ANO3: variants seen among roughly 807,000 people sequenced by gnomAD.
ANO3 encodes anoctamin-3.
In ANO3, 99 loss-of-function variants were observed where a neutral mutation model predicts 144.8. The ratio of observed to expected loss-of-function variants is 0.68; its 90% CI spans 0.58 to 0.81. The LOEUF (loss-of-function observed/expected upper bound fraction) is 0.81. ANO3 is among the 30% of genes least tolerant of loss of function. The pLI is 0.00. For missense variants in ANO3, 905 were observed against 1,202.2 expected (o/e 0.75, Z 3.66); for synonymous variants, 414 against 392.6 (o/e 1.05, Z -0.64).
chr11:26,479,279 C>A (rs1360073693), intron 4 of ANO3, among the ~76,000 whole-genome samples: 1 of 152,066 alleles, frequency 6.6e-6, no homozygotes. Flanking sequence ...CTGAAAGAGT[C>A]CTGATTAATA....
intron 7 of ANO3, among the ~76,000 whole-genome samples, chr11:26,529,034 A>G (rs1488724777): frequency 7.2e-6 from 1 of 138,532 alleles, no homozygotes; most frequent in Non-Finnish European, 1.5e-5. Context: ...ACTTTCACAT[A>G]CCAAGTCTTG....
rs113143578 is a variant in ANO3, at chr11:26,611,705, G to T, written c.1836+11991G>T. 2.5e-4 allele frequency among the ~76,000 whole-genome samples: 38 copies of T among 152,226 alleles called. 1 individual carries two copies. The highest frequency in any genetic ancestry group is 9.1e-4 in the African/African-American group (38 of 41,554). On this transcript the variant is annotated intron_variant, in intron 17 of 26. Transcript: ENST00000256737. ...ATCTATCCACTGTTGAGGGTGGGGT[G>T]TTGAAGTTTCCCACAATTGTATTGT...
intron 1 of ANO3, among the ~76,000 whole-genome samples, chr11:26,419,034 G>T (rs531699162): frequency 3.9e-5 from 6 of 152,248 alleles, no homozygotes; most frequent in African/African-American, 1.2e-4. Context: ...TTGGCTCATT[G>T]TTCTGCAGGC....
At chr11:26,214,779 T>A (rs1351651766) in intron 1 of ANO3, among the ~76,000 whole-genome samples, 1 of 151,908 alleles carries the variant, frequency 6.6e-6, no homozygotes, top group African/African-American at 2.4e-5. Flanking sequence ...CATACTTTAT[T>A]CAGATTTCTT....
intron 1 of ANO3, among the ~76,000 whole-genome samples, chr11:26,301,942 A>G (rs1255360827): frequency 6.6e-6 from 1 of 152,216 alleles, no homozygotes; most frequent in Non-Finnish European, 1.5e-5. Context: ...TTAGAAGAGC[A>G]TTTATGGTAA....
intron 13 of ANO3, among the ~76,000 whole-genome samples, chr11:26,555,231 A>T (rs1208328364): frequency 6.6e-6 from 1 of 152,152 alleles, no homozygotes; most frequent in African/African-American, 2.4e-5. Context: ...TTTTCTCATC[A>T]CTTTTGGCAA....
chr11:26,227,874 A>G (rs1224484834), intron 1 of ANO3, among the ~76,000 whole-genome samples: 1 of 152,180 alleles, frequency 6.6e-6, no homozygotes, highest in Non-Finnish European at 1.5e-5. Flanking sequence ...ATTTTTTTAA[A>G]CCTAATTATA....
At chr11:26,593,741 G>T (rs138543921) in intron 14 of ANO3, among the ~76,000 whole-genome samples, 3 of 152,136 alleles carry the variant, frequency 2.0e-5, no homozygotes, top group Admixed American at 6.5e-5. Flanking sequence ...TAAAGTGTCC[G>T]TGTAGGCCGC....
intron 1 of ANO3, among the ~76,000 whole-genome samples, chr11:26,257,453 C>T (rs1263745524): frequency 6.6e-6 from 1 of 152,102 alleles, no homozygotes; most frequent in Non-Finnish European, 1.5e-5. Flanking sequence ...TGGCCCTGCA[C>T]ACTCAATGGT....
chr11:26,331,056 G>A (rs984923287), upstream of ANO3, among the ~76,000 whole-genome samples: 1 of 152,208 alleles, frequency 6.6e-6, no homozygotes, highest in South Asian at 2.1e-4. Context: ...TGAAAAATGT[G>A]TTCAGCTAGC....
At chr11:26,601,707 A>C (rs10835010) in intron 17 of ANO3, among the ~76,000 whole-genome samples, 1 of 151,992 alleles carries the variant, frequency 6.6e-6, no homozygotes, top group African/African-American at 2.4e-5. Flanking sequence ...GTAAAACATC[A>C]TGTTTGTAAC....
At chr11:26,502,207 G>A (rs1565065020) in intron 4 of ANO3, among the ~76,000 whole-genome samples, 2 of 152,126 alleles carry the variant, frequency 1.3e-5, no homozygotes, top group African/African-American at 2.4e-5. Flanking sequence ...CAATGTAAAT[G>A]AATACATTAT....
At chr11:26,560,968 C>T (rs758582685) in intron 14 of ANO3, 23 of 1,210,468 alleles carry the variant, frequency 1.9e-5, no homozygotes, top group African/African-American at 9.5e-5. Context: ...ACAAAATCCA[C>T]GTGACAGTAA....
intron 6 of ANO3, among the ~76,000 whole-genome samples, chr11:26,517,835 T>G (rs931363883): frequency 2.0e-5 from 3 of 152,042 alleles, no homozygotes; most frequent in Non-Finnish European, 2.9e-5. Flanking sequence ...AAATGTGAGG[T>G]ATTGAGCCTC....
intron 1 of ANO3, among the ~76,000 whole-genome samples, chr11:26,390,950 G>A (rs1456696469): frequency 6.6e-6 from 1 of 151,884 alleles, no homozygotes; most frequent in African/African-American, 2.4e-5. Context: ...TACATTTTAG[G>A]GTAATGATAA....
intron 4 of ANO3, among the ~76,000 whole-genome samples, chr11:26,486,894 G>A (rs1389460): frequency 0.93 from 140,881 of 152,194 alleles, 65,512 homozygotes; most frequent in South Asian, 0.97. Flanking sequence ...TTTAGAGGAA[G>A]AAAGGTAGCA....
At chr11:26,336,188 A>G (rs1434562476) in intron 1 of ANO3, among the ~76,000 whole-genome samples, 1 of 152,140 alleles carries the variant, frequency 6.6e-6, no homozygotes, top group African/African-American at 2.4e-5. Context: ...TTGATTTATG[A>G]TGAGCTCATG....
At chr11:26,194,180 G>A (rs944369830) in intron 1 of ANO3, among the ~76,000 whole-genome samples, 3 of 152,154 alleles carry the variant, frequency 2.0e-5, no homozygotes, top group Non-Finnish European at 4.4e-5. Context: ...GATTAACCAT[G>A]TGCTGGGGCT....
At chr11:26,480,003 G>A (rs1860146183) in intron 4 of ANO3, among the ~76,000 whole-genome samples, 1 of 152,148 alleles carries the variant, frequency 6.6e-6, no homozygotes, top group Non-Finnish European at 1.5e-5. Context: ...AACAGTGTGA[G>A]CAAAGATATA....
Sources: allele counts gnomAD v4.1 joint callset (sites outside exome capture counted in the v4.1 genomes callset), GRCh38; gene constraint gnomAD v4.1.1; transcripts MANE v1.5; gene names NCBI Gene and HGNC (gene_info 2026-07-23, HGNC 2026-07-21).